NAALADL2: variants seen among roughly 807,000 people sequenced by gnomAD.
NAALADL2 encodes the protein inactive N-acetylated-alpha-linked acidic dipeptidase-like protein 2.
Under a neutral mutation model 87.2 loss-of-function variants are expected in NAALADL2, and 76 were observed. The observed-to-expected ratio is 0.87, with a 90% CI of 0.72 to 1.05. NAALADL2 has a LOEUF of 1.05. Ranked by LOEUF, NAALADL2 falls within the 50% of genes least tolerant of loss-of-function variation. NAALADL2 has a pLI of 0.00. For missense variants in NAALADL2, 1,089 were observed against 945.8 expected (o/e 1.15, Z -1.99); for synonymous variants, 354 against 331.0 (o/e 1.07, Z -0.75).
chr3:174,644,102 T>C (rs1433197349), intron 2 of NAALADL2, among the ~76,000 whole-genome samples: 1 of 152,220 alleles, frequency 6.6e-6, no homozygotes, highest in African/African-American at 2.4e-5. Context: ...AGGTGAATCA[T>C]TGTCTAACAT....
intron 2 of NAALADL2, among the ~76,000 whole-genome samples, chr3:175,192,435 A>G (rs577468617): frequency 6.6e-6 from 1 of 152,146 alleles, no homozygotes; most frequent in East Asian, 1.9e-4. Context: ...TTAGTTTCAT[A>G]GAAGGTCAGT....
intron 13 of NAALADL2, among the ~76,000 whole-genome samples, chr3:175,767,897 G>A (rs1748945353): frequency 1.3e-5 from 2 of 152,184 alleles, no homozygotes; most frequent in South Asian, 4.1e-4. Flanking sequence ...GAAGAAAGCA[G>A]ATTCGGTTCT....
rs79925066 is a variant in NAALADL2, at chr3:174,579,337, C to G, written c.-115+28700C>G. ...ATCTATAAAGAGGAGAATGGATAAA[C>G]AATTTGTGCCATATTCATTCACTGG... On this transcript the variant is annotated intron_variant, in intron 2 of 3. Transcript: ENST00000434257. Among the ~76,000 whole-genome samples, 41 of 152,006 alleles carry G rather than the reference C, an allele frequency of 2.7e-4. No individual in the cohort carries two copies. The East Asian group carries it at 5.8e-3, about 21-fold the overall frequency.
rs938466478 is a variant in NAALADL2 at position 174,944,946 on chromosome 3, G to C, written c.43+85496G>C. ...TGAGTTGTTTCCTTGATTAGTCCTT[G>C]ATGAGTACTGGATGTTTCAGTTGAA... On this transcript the variant is annotated intron_variant, in intron 1 of 13. Coordinates refer to ENST00000454872, the MANE Select transcript of NAALADL2 (RefSeq NM_207015.3). 6.6e-5 allele frequency among the ~76,000 whole-genome samples: 10 copies of C among 152,228 alleles called. 1 individual carries two copies. In the South Asian group the frequency reaches 2.1e-3, roughly 32 times the overall value.
chr3:174,928,181 A>G (rs1736362480), intron 1 of NAALADL2, among the ~76,000 whole-genome samples: 1 of 152,178 alleles, frequency 6.6e-6, no homozygotes, highest in South Asian at 2.1e-4. Flanking sequence ...AACAATGTGA[A>G]AACTATAGCA....
intron 3 of NAALADL2, among the ~76,000 whole-genome samples, chr3:174,838,604 A>G (rs2109408461): frequency 6.6e-6 from 1 of 152,094 alleles, no homozygotes; most frequent in African/African-American, 2.4e-5. Flanking sequence ...TCTAAAGACT[A>G]CTCCGGAAAG....
rs577980984 is a variant in NAALADL2 at position 175,659,994 on chromosome 3, A to G, written c.1896+32608A>G. ...TCACAGTTCTGAAGCTGGGAAGTCC[A>G]AGATTAAGGCATCAGCAGATTTGAT... On this transcript the variant is annotated intron_variant, in intron 11 of 13. Coordinates refer to ENST00000454872, the MANE Select transcript of NAALADL2 (RefSeq NM_207015.3). Among the ~76,000 whole-genome samples, 7 of 152,250 alleles carry G rather than the reference A, an allele frequency of 4.6e-5. No individual in the cohort carries two copies. The South Asian group carries it at 1.5e-3, about 32-fold the overall frequency.
intron 5 of NAALADL2, among the ~76,000 whole-genome samples, chr3:175,441,914 G>A (rs1193573957): frequency 6.6e-6 from 1 of 151,828 alleles, no homozygotes; most frequent in African/African-American, 2.4e-5. Context: ...TGGCTAATTG[G>A]CACTTGAATA....
chr3:175,784,391 G>T (rs1490877912), intron 13 of NAALADL2, among the ~76,000 whole-genome samples: 1 of 150,096 alleles, frequency 6.7e-6, no homozygotes, highest in Non-Finnish European at 1.5e-5. Flanking sequence ...TCCTGTTATT[G>T]GTCTATTCAG....
chr3:175,696,174 C>T (rs1305192668), intron 11 of NAALADL2, among the ~76,000 whole-genome samples: 1 of 152,040 alleles, frequency 6.6e-6, no homozygotes, highest in African/African-American at 2.4e-5. Flanking sequence ...TATTCAAAAA[C>T]GTTTATGTAA....
intron 13 of NAALADL2, among the ~76,000 whole-genome samples, chr3:175,760,885 T>A (rs1747913660): frequency 6.6e-6 from 1 of 152,216 alleles, no homozygotes; most frequent in Admixed American, 6.5e-5. Flanking sequence ...CTTTATTTTT[T>A]AAAGCAGGTT....
At chr3:174,589,160 G>A (rs183412484) in intron 2 of NAALADL2, among the ~76,000 whole-genome samples, 196 of 152,306 alleles carry the variant, frequency 1.3e-3, no homozygotes, top group African/African-American at 4.4e-3. Flanking sequence ...CTCCTTGGGC[G>A]TGGGACCCTC....
chr3:175,349,705 G>C (rs1479747983), intron 5 of NAALADL2, among the ~76,000 whole-genome samples: 1 of 152,080 alleles, frequency 6.6e-6, no homozygotes, highest in African/African-American at 2.4e-5. Context: ...GTATTTCTCT[G>C]TTTGGGAGAG....
At chr3:174,493,553 G>A (rs556815224) in intron 1 of NAALADL2, among the ~76,000 whole-genome samples, 2 of 152,258 alleles carry the variant, frequency 1.3e-5, no homozygotes, top group Admixed American at 6.5e-5. Context: ...AAGCCACACA[G>A]TCTGTGGTAG....
intron 1 of NAALADL2, among the ~76,000 whole-genome samples, chr3:174,940,005 C>A (rs1199073186): frequency 6.6e-6 from 1 of 152,030 alleles, no homozygotes; most frequent in Non-Finnish European, 1.5e-5. Context: ...ATTTTTTACT[C>A]TTGCCTGATT....
intron 13 of NAALADL2, among the ~76,000 whole-genome samples, chr3:175,788,293 T>C (rs1004134567): frequency 1.3e-5 from 2 of 151,938 alleles, no homozygotes; most frequent in African/African-American, 2.4e-5. Context: ...GGGTTTGTCA[T>C]GTTGCCCAGG....
At chr3:174,860,358 T>C (rs548421530) in intron 1 of NAALADL2, among the ~76,000 whole-genome samples, 14 of 152,090 alleles carry the variant, frequency 9.2e-5, no homozygotes, top group Non-Finnish European at 1.8e-4. Flanking sequence ...TGAAATACTG[T>C]GTAAAATGCT....
rs757319395 is a variant in NAALADL2, at chr3:175,463,414, C to T, written c.1248C>T (p.Val416=). Reference sequence around the variant, plus strand: ...TTATTTTTTCAGAAATAAGAGTCGTCAGCATGCAAGTTCAGACAGTCACAA... The same window carrying T: ...TTATTTTTTCAGAAATAAGAGTCGTTAGCATGCAAGTTCAGACAGTCACAA... ...LELPNNEIRV[V]SMQVQTVTKL... The change falls in exon 7 of 14, where the codon GTC becomes GTT. Residue 416 remains valine, a synonymous_variant. Transcript: ENST00000454872. The T allele has an allele frequency of 5.7e-6, 9 of 1,585,294 alleles. No individual in the cohort carries two copies. The highest frequency in any genetic ancestry group is 6.9e-6 in the Non-Finnish European group (8 of 1,164,588).
chr3:174,935,948 A>G (rs1737627633), intron 1 of NAALADL2, among the ~76,000 whole-genome samples: 1 of 152,168 alleles, frequency 6.6e-6, no homozygotes, highest in Non-Finnish European at 1.5e-5. Flanking sequence ...CATTTGCTAT[A>G]TTTCTTTTCC....
Sources: gnomAD v4.1 joint callset for allele counts (sites outside exome capture counted in the v4.1 genomes callset) on GRCh38, gnomAD v4.1.1 for gene constraint, MANE v1.5 for transcripts, NCBI Gene and HGNC (gene_info 2026-07-23, HGNC 2026-07-21) for gene names.